Variants in TTLL7 observed in about 807,000 individuals in gnomAD.
TTLL7 encodes the protein tubulin polyglutamylase TTLL7.
TTLL7 carries 53 observed loss-of-function variants against 120.2 expected under a neutral mutation model. The ratio of observed to expected loss-of-function variants is 0.44; its 90% CI spans 0.35 to 0.55. The LOEUF is 0.55. Among genes scored for constraint, TTLL7 ranks in the 20% least tolerant of loss-of-function variants. The pLI is 0.00. For synonymous variants in TTLL7, 353 were observed against 351.7 expected (o/e 1.00, Z -0.04); for missense variants, 803 against 1,054.7 (o/e 0.76, Z 3.31).
chr1:83,867,145 C>A lies in TTLL7; in HGVS notation c.*2817G>T, dbSNP rs1178149556. The A allele has an allele frequency of 6.6e-6, 1 of 151,948 alleles. No homozygotes were observed. Among genetic ancestry groups the A allele is most frequent in the African/African-American group, 2.4e-5 (1 of 41,420 alleles). The allele number at this position is 151,948 out of a possible 1,614,324, so 9.4% of individuals were successfully genotyped here. A position where few individuals can be genotyped will look rare whatever the true frequency, so the allele number is the denominator to read the frequency against. On this transcript the variant is annotated 3_prime_UTR_variant, in exon 21 of 21. Transcript: ENST00000260505. ...CCTAGAAAAGGGAGTCACACCTGTACAATCACTTATGCTTATATGTTTTAA... is the reference window on the plus strand; with the variant it reads ...CCTAGAAAAGGGAGTCACACCTGTAAAATCACTTATGCTTATATGTTTTAA...
intron 10 of TTLL7, among the ~76,000 whole-genome samples, chr1:83,923,309 G>T (rs1267435160): frequency 6.8e-6 from 1 of 146,060 alleles, no homozygotes; most frequent in African/African-American, 2.5e-5. Flanking sequence ...GACAGGAAAA[G>T]AAAATAGAAA....
In TTLL7 at chr1:83,869,884, T is replaced by C. The variant is rs1653179837; in HGVS notation, c.*78A>G. ...TACATAAAACAGCACTTAATGGTCA[T>C]GTTCTTTGCATGTTCAACTTCAGAG... On this transcript the variant is annotated 3_prime_UTR_variant, in exon 21 of 21. Transcript: ENST00000260505. 1 of 1,549,502 alleles carries C rather than the reference T, an allele frequency of 6.5e-7. No individual in the cohort carries two copies. Among genetic ancestry groups the C allele is most frequent in the Non-Finnish European group, 8.7e-7 (1 of 1,147,722 alleles).
chr1:83,949,936 C>G lies in TTLL7; in HGVS notation c.208G>C (p.Glu70Gln), dbSNP rs1255688064. 2 of 1,613,660 alleles carry G rather than the reference C, an allele frequency of 1.2e-6. No individual in the cohort carries two copies. Among genetic ancestry groups the G allele is most frequent in the Admixed American group, 1.7e-5 (1 of 60,014 alleles). Residue 70 changes from glutamate to glutamine, a missense_variant, in exon 4 of 21, where the codon GAA (glutamate) becomes CAA (glutamine). Around this residue, in one of 3 missense-constraint regions of TTLL7, gnomAD observed 91 missense variants for 96.6 expected, o/e 0.94. Transcript: ENST00000260505. Reference sequence around the variant, plus strand: ...TCACACCATATAAGATTACTTGTTTCATCCTCATCTGGAGTTTTCATAAAT... The same window carrying G: ...TCACACCATATAAGATTACTTGTTTGATCCTCATCTGGAGTTTTCATAAAT... ...MGFMKTPDED[E>Q]TSNLIWCDSA...
intron 19 of TTLL7, among the ~76,000 whole-genome samples, chr1:83,885,830 T>A (rs1654927885): frequency 6.6e-6 from 1 of 152,026 alleles, no homozygotes; most frequent in African/African-American, 2.4e-5. Context: ...ACACAAAGTT[T>A]TTTTAAAAGG....
At chr1:83,887,373 C>A in intron 19 of TTLL7, 1 of 406,152 alleles carries the variant, frequency 2.5e-6, no homozygotes. Flanking sequence ...GCCTTCGGAC[C>A]AAAGGTTAAA....
At chr1:83,906,568 A>C (rs771220741) in intron 16 of TTLL7, 105 bp from the exon 17 acceptor site, 5 of 1,521,688 alleles carry the variant, frequency 3.3e-6, no homozygotes, top group Non-Finnish European at 4.5e-6. Context: ...TTAACTGAAA[A>C]CAATAACAAT....
chr1:83,971,637 C>T (rs1432242573), intron 1 of TTLL7, among the ~76,000 whole-genome samples: 1 of 152,002 alleles, frequency 6.6e-6, no homozygotes, highest in East Asian at 1.9e-4. Context: ...TTGCTAGCCT[C>T]TTGGTTCTGT....
intron 20 of TTLL7, among the ~76,000 whole-genome samples, chr1:83,878,259 G>A (rs972947478): frequency 6.6e-6 from 1 of 151,500 alleles, no homozygotes; most frequent in East Asian, 1.9e-4. Context: ...CGTGCCTGGT[G>A]TACTGAATTC....
intron 10 of TTLL7, among the ~76,000 whole-genome samples, chr1:83,923,071 C>G (rs1332258874): frequency 6.6e-6 from 1 of 150,580 alleles, no homozygotes; most frequent in Non-Finnish European, 1.5e-5. Flanking sequence ...ATGATGAATA[C>G]AAATTTGGCT....
chr1:83,941,879 C>T lies in TTLL7; in HGVS notation c.723+584G>A, dbSNP rs550804067. Among the ~76,000 whole-genome samples the T allele has an allele frequency of 2.5e-4, 38 of 152,288 alleles. No individual in the cohort carries two copies. In the South Asian group the frequency reaches 6.8e-3, roughly 27 times the overall value. On this transcript the variant is annotated intron_variant, in intron 7 of 20. Coordinates refer to ENST00000260505, the MANE Select transcript of TTLL7 (RefSeq NM_024686.6). Reference sequence around the variant, plus strand: ...CATTTAATAGGCTTTAAAATGCACACTGAAACTGCTCATTTGTCTCAACTT... The same window carrying T: ...CATTTAATAGGCTTTAAAATGCACATTGAAACTGCTCATTTGTCTCAACTT...
intron 1 of TTLL7, among the ~76,000 whole-genome samples, chr1:83,991,233 G>A (rs895666523): frequency 6.6e-6 from 1 of 152,156 alleles, no homozygotes; most frequent in Non-Finnish European, 1.5e-5. Context: ...GTTGTTTAAT[G>A]AGTATAGAGT....
intron 20 of TTLL7, among the ~76,000 whole-genome samples, chr1:83,879,641 C>A (rs796902987): frequency 1.2e-4 from 18 of 151,966 alleles, no homozygotes; most frequent in African/African-American, 4.3e-4. Flanking sequence ...CTTTTATCAG[C>A]AATAGCACTA....
intron 1 of TTLL7, among the ~76,000 whole-genome samples, chr1:83,966,032 A>G (rs1650430823): frequency 6.6e-6 from 1 of 152,162 alleles, no homozygotes; most frequent in Non-Finnish European, 1.5e-5. Flanking sequence ...TGGCTAGGCC[A>G]CAGTACTCAG....
intron 18 of TTLL7, among the ~76,000 whole-genome samples, chr1:83,892,336 G>A (rs1655598623): frequency 1.2e-5 from 1 of 85,132 alleles, no homozygotes; most frequent in Non-Finnish European, 2.7e-5. Flanking sequence ...ATGTATATAT[G>A]AATATATATA....
intron 1 of TTLL7, among the ~76,000 whole-genome samples, chr1:83,976,971 G>A (rs11163878): frequency 0.43 from 65,638 of 151,614 alleles, 15,601 homozygotes; most frequent in Non-Finnish European, 0.54. Flanking sequence ...ACCTATGTTC[G>A]TCTATATTAA....
intron 1 of TTLL7, among the ~76,000 whole-genome samples, chr1:83,954,914 TTTAAGATAAAGAA>T (rs1290046597): frequency 6.6e-6 from 1 of 151,294 alleles, no homozygotes; most frequent in Non-Finnish European, 1.5e-5. Flanking sequence ...CAAAATGATT[TTTAAGATAAAGAA>T]ACAGAATTTA....
At chr1:83,906,603 A>T in intron 16 of TTLL7, 140 bp from the exon 17 acceptor site, 2 of 1,214,740 alleles carry the variant, frequency 1.6e-6, no homozygotes, top group Non-Finnish European at 2.3e-6. Flanking sequence ...ATTTTCTTTT[A>T]CACTTGTGAA....
chr1:83,882,137 T>C (rs1654555380), intron 20 of TTLL7, among the ~76,000 whole-genome samples: 1 of 150,446 alleles, frequency 6.6e-6, no homozygotes, highest in Non-Finnish European at 1.5e-5. Flanking sequence ...CACCTAATGG[T>C]AAATGACGAG....
intron 8 of TTLL7, among the ~76,000 whole-genome samples, chr1:83,937,552 T>TA (rs1227275657): frequency 1.3e-5 from 2 of 152,192 alleles, no homozygotes; most frequent in East Asian, 3.9e-4. Flanking sequence ...CCACAGGCTA[T>TA]ACCATATACA....
Sources: allele counts gnomAD v4.1 joint callset (sites outside exome capture counted in the v4.1 genomes callset), GRCh38; gene constraint gnomAD v4.1.1; regional missense constraint gnomAD v4.1.1; transcripts MANE v1.5; gene names NCBI Gene and HGNC (gene_info 2026-07-23, HGNC 2026-07-21).